Variants in DCDC1 observed in about 807,000 individuals in gnomAD.
DCDC1 encodes the protein doublecortin domain containing 1, also known as doublecortin domain-containing protein 1.
A neutral mutation model predicts 178.3 loss-of-function variants in DCDC1; 200 were observed. The ratio of observed to expected loss-of-function variants is 1.12; its 90% CI spans 1.00 to 1.26. The LOEUF is 1.26. DCDC1 is among the 50% of genes most tolerant of loss of function. DCDC1 has a pLI of 0.00. For synonymous variants in DCDC1, 690 were observed against 604.8 expected (o/e 1.14, Z -2.07); for missense variants, 1,983 against 1,749.2 (o/e 1.13, Z -2.38).
intron 1 of DCDC1, among the ~76,000 whole-genome samples, chr11:31,337,696 G>A (rs1309214796): frequency 2.0e-5 from 3 of 151,920 alleles, no homozygotes; most frequent in African/African-American, 7.2e-5. Flanking sequence ...AACTAGCCTA[G>A]CTGTCAAAGA....
chr11:31,014,549 T>C (rs1156531509), intron 20 of DCDC1, among the ~76,000 whole-genome samples: 1 of 152,204 alleles, frequency 6.6e-6, no homozygotes, highest in Non-Finnish European at 1.5e-5. Flanking sequence ...TGTCAGATCA[T>C]AGATGTTTCT....
intron 9 of DCDC1, among the ~76,000 whole-genome samples, chr11:31,217,903 ATC>A (rs1480578243): frequency 6.6e-6 from 1 of 152,110 alleles, no homozygotes; most frequent in Admixed American, 6.5e-5. Context: ...TGTACTCTAT[ATC>A]TCTGCCCATG....
At position 31,241,433 on chromosome 11, in the gene DCDC1, A is replaced by G; in HGVS notation, c.1221+17T>C. The G allele has an allele frequency of 5.0e-6, 2 of 396,640 alleles. No individual in the cohort carries two copies. Among genetic ancestry groups the G allele is most frequent in the Non-Finnish European group, 8.9e-6 (2 of 224,282 alleles). The allele number at this position is 396,640 out of a possible 1,614,324, so 24.6% of individuals were successfully genotyped here. On this transcript the variant is annotated intron_variant, in intron 9 of 38. Transcript: ENST00000684477. ...TAAAACATATAATAAAGAAATTTTT[A>G]AAGAGGGATGACTCACCTGTTTATA...
intron 7 of DCDC1, among the ~76,000 whole-genome samples, chr11:31,266,183 A>G (rs1251053575): frequency 6.6e-6 from 1 of 152,186 alleles, no homozygotes; most frequent in African/African-American, 2.4e-5. Context: ...TGAACTTAAT[A>G]AATCACATTT....
At chr11:30,909,784 A>G (rs1340457768) in intron 28 of DCDC1, among the ~76,000 whole-genome samples, 2 of 152,172 alleles carry the variant, frequency 1.3e-5, no homozygotes, top group East Asian at 1.9e-4. Flanking sequence ...TTATTTTTTA[A>G]GTACATTCAG....
At chr11:31,345,404 A>T (rs951601269) in intron 1 of DCDC1, among the ~76,000 whole-genome samples, 1 of 152,170 alleles carries the variant, frequency 6.6e-6, no homozygotes, top group African/African-American at 2.4e-5. Context: ...TGTCATGCTT[A>T]AAACAAAGAA....
intron 20 of DCDC1, among the ~76,000 whole-genome samples, chr11:31,052,836 G>A (rs1352418565): frequency 2.0e-5 from 3 of 152,124 alleles, no homozygotes; most frequent in Non-Finnish European, 4.4e-5. Context: ...AGCAAAGGCA[G>A]TGCTAAGAGG....
intron 18 of DCDC1, among the ~76,000 whole-genome samples, chr11:31,070,170 T>A (rs1466672492): frequency 6.6e-6 from 1 of 152,194 alleles, no homozygotes; most frequent in African/African-American, 2.4e-5. Flanking sequence ...TTCAGTGTTA[T>A]CTACTCTAAG....
intron 24 of DCDC1, among the ~76,000 whole-genome samples, chr11:30,921,940 G>A (rs1226944962): frequency 2.6e-5 from 4 of 152,088 alleles, no homozygotes; most frequent in African/African-American, 9.7e-5. Flanking sequence ...CTGCAGAGGT[G>A]ATGAGATGAC....
intron 20 of DCDC1, among the ~76,000 whole-genome samples, chr11:30,973,364 C>A (rs1949921563): frequency 6.6e-6 from 1 of 151,918 alleles, no homozygotes; most frequent in African/African-American, 2.4e-5. Context: ...TTGTCTTCCA[C>A]TATGACTGTA....
intron 9 of DCDC1, among the ~76,000 whole-genome samples, chr11:31,230,928 T>A (rs964307724): frequency 6.6e-6 from 1 of 151,998 alleles, no homozygotes; most frequent in African/African-American, 2.4e-5. Flanking sequence ...TGAAAAAAAC[T>A]CTTCTTTAAC....
intron 7 of DCDC1, among the ~76,000 whole-genome samples, chr11:31,270,367 C>T (rs1046345991): frequency 1.3e-5 from 2 of 152,212 alleles, no homozygotes; most frequent in Admixed American, 1.3e-4. Context: ...AACAGCAAGG[C>T]TGAGATAGTT....
intron 11 of DCDC1, among the ~76,000 whole-genome samples, chr11:31,116,663 G>A (rs1237844837): frequency 3.3e-5 from 5 of 151,600 alleles, no homozygotes; most frequent in Admixed American, 6.6e-5. Context: ...TGGGATTCTG[G>A]CAACAAAAAT....
chr11:31,260,319 C>A (rs1944696632), intron 8 of DCDC1, among the ~76,000 whole-genome samples: 2 of 152,034 alleles, frequency 1.3e-5, no homozygotes, highest in Admixed American at 6.5e-5. Flanking sequence ...AAATTTTATT[C>A]TTTTAATTTT....
chr11:31,003,452 G>A (rs970659587), intron 20 of DCDC1, among the ~76,000 whole-genome samples: 3 of 152,162 alleles, frequency 2.0e-5, no homozygotes, highest in African/African-American at 7.2e-5. Flanking sequence ...ACAGTGTGAT[G>A]AGTGCTGAGA....
rs1182441626 is a variant in DCDC1, at chr11:31,290,774, G to C, written c.833C>G (p.Thr278Ser). The change falls in exon 7 of 39, where the codon ACC (threonine) becomes AGC (serine). Residue 278 changes from threonine (T) to serine (S), a missense_variant. Physicochemically the swap from Thr to Ser is moderately conservative, Grantham distance 58. Coordinates refer to ENST00000684477, the MANE Select transcript of DCDC1 (RefSeq NM_001387274.1). ...MLPTDIKRRKTKPVLSIRMKK... is the reference protein window; with the variant it reads ...MLPTDIKRRKSKPVLSIRMKK... ...CATTCTAATAGAAAGAACAGGCTTGGTTTTCCGTCTTTTGATATCAGTAGG... is the reference window on the plus strand; with the variant it reads ...CATTCTAATAGAAAGAACAGGCTTGCTTTTCCGTCTTTTGATATCAGTAGG... 1.2e-6 allele frequency: 2 copies of C among 1,613,384 alleles called. No individual in the cohort carries two copies. Among genetic ancestry groups the C allele is most frequent in the Admixed American group, 1.7e-5 (1 of 59,954 alleles).
In DCDC1 at chr11:31,171,933, G is replaced by C. The variant is rs1017054353; in HGVS notation, c.1222-34149C>G. Among the ~76,000 whole-genome samples the C allele has an allele frequency of 2.6e-4, 39 of 152,050 alleles. 1 individual carries two copies. The highest frequency in any genetic ancestry group is 1.0e-4 in the Non-Finnish European group (7 of 68,020). ...CTAATAATCATTCTAGATAGATATG[G>C]TTGAAAGACTCATGATCTCTCAAAG... On this transcript the variant is annotated intron_variant, in intron 9 of 38. Coordinates refer to ENST00000684477, the MANE Select transcript of DCDC1 (RefSeq NM_001387274.1).
intron 20 of DCDC1, among the ~76,000 whole-genome samples, chr11:30,969,551 A>C (rs187350607): frequency 6.6e-6 from 1 of 152,302 alleles, no homozygotes; most frequent in African/African-American, 2.4e-5. Flanking sequence ...TAAGTCACCA[A>C]GTTTGAGGCA....
intron 9 of DCDC1, among the ~76,000 whole-genome samples, chr11:31,217,003 A>G (rs1973661700): frequency 6.6e-6 from 1 of 152,202 alleles, no homozygotes; most frequent in Non-Finnish European, 1.5e-5. Flanking sequence ...CATAGATTGT[A>G]TTTCTCTTAG....
Sources: allele counts gnomAD v4.1 joint callset (sites outside exome capture counted in the v4.1 genomes callset), GRCh38; gene constraint gnomAD v4.1.1; transcripts MANE v1.5; gene names NCBI Gene and HGNC (gene_info 2026-07-23, HGNC 2026-07-21).